The following IFFO2 variants were observed in gnomAD, a reference collection of about 807,000 sequenced individuals.
The protein encoded by IFFO2 is intermediate filament family orphan 2.
Under a neutral mutation model 53.5 loss-of-function variants are expected in IFFO2, and 19 were observed. The ratio of observed to expected loss-of-function variants is 0.36; its 90% confidence interval spans 0.25 to 0.52. IFFO2 has a LOEUF of 0.52. IFFO2 is among the 20% of genes least tolerant of loss of function. The pLI is 0.94. For synonymous variants in IFFO2, 303 were observed against 313.6 expected (o/e 0.97, Z 0.36); for missense variants, 570 against 727.4 (o/e 0.78, Z 2.49).
Position 18,955,802 on chromosome 1 carries a change from G to A in IFFO2, c.531C>T (p.Thr177=). 1 of 1,534,272 alleles carries A rather than the reference G, an allele frequency of 6.5e-7. No individual in the cohort carries two copies. The highest frequency in any genetic ancestry group is 2.0e-5 in the Admixed American group (1 of 50,782). Residue 177 remains threonine, a synonymous_variant, in exon 1 of 9, where the codon ACC becomes ACT. Coordinates refer to ENST00000455833, the MANE Select transcript of IFFO2 (RefSeq NM_001136265.2). ...CCCACGACACGCCGGGGCCCTGCAC[G>A]GTCTCCACGCCGCCGCCGCCCGTGC... ...VRRTGGGGVE[T]VQGPGVSWVH...
At chr1:18,952,980 C>A (rs1269473508) in intron 1 of IFFO2, among the ~76,000 whole-genome samples, 3 of 152,372 alleles carry the variant, frequency 2.0e-5, no homozygotes, top group Middle Eastern at 3.4e-3. Flanking sequence ...CTGAGCCTCG[C>A]AGCCTAAGTT....
At chr1:18,911,670 C>G (rs372649748) in intron 6 of IFFO2, among the ~76,000 whole-genome samples, 194 bp from the exon 7 acceptor site, 121 of 152,224 alleles carry the variant, frequency 7.9e-4, no homozygotes, top group African/African-American at 2.8e-3. Context: ...TCCCGAATAG[C>G]TGGGATTACA....
intron 1 of IFFO2, among the ~76,000 whole-genome samples, chr1:18,942,918 A>C (rs1394960519): frequency 6.7e-6 from 1 of 150,038 alleles, no homozygotes; most frequent in Non-Finnish European, 1.5e-5. Context: ...GGCTCACTGC[A>C]ACCTCCACCT....
rs1033414891 is a variant in IFFO2, at chr1:18,921,154, G to T, written c.666-33C>A. 11 of 1,544,678 alleles carry T rather than the reference G, an allele frequency of 7.1e-6. No homozygotes were observed. In the Admixed American group the frequency reaches 1.2e-4, roughly 17 times the overall value. On this transcript the variant is annotated intron_variant, in intron 1 of 8. Coordinates refer to ENST00000455833, the MANE Select transcript of IFFO2 (RefSeq NM_001136265.2). ...AGCCAAGAGGAACAGGTGGTCAGAA[G>T]GTGAGTTCCCTGTGCCAGTCCAGCC...
At chr1:18,941,029 G>A (rs1174808149) in intron 1 of IFFO2, among the ~76,000 whole-genome samples, 3 of 152,196 alleles carry the variant, frequency 2.0e-5, no homozygotes, top group South Asian at 4.1e-4. Context: ...AAAGAGACCT[G>A]AGGTCACATG....
chr1:18,923,899 C>T (rs984768376), intron 1 of IFFO2, among the ~76,000 whole-genome samples: 4 of 152,154 alleles, frequency 2.6e-5, no homozygotes, highest in African/African-American at 7.2e-5. Flanking sequence ...CTTCCTGCCC[C>T]GAGTTCTGCA....
chr1:18,925,995 GA>G (rs1936286005), intron 1 of IFFO2, among the ~76,000 whole-genome samples: 47 of 125,356 alleles, frequency 3.7e-4, no homozygotes, highest in East Asian at 1.8e-3. Context: ...TGGATGGATG[GA>G]TGGATTGGTT....
intron 1 of IFFO2, among the ~76,000 whole-genome samples, chr1:18,937,002 G>C (rs917256650): frequency 7.3e-5 from 11 of 151,656 alleles, no homozygotes; most frequent in South Asian, 4.2e-4. Flanking sequence ...GACATCAGAC[G>C]GGGAAGTCCA....
intron 1 of IFFO2, among the ~76,000 whole-genome samples, chr1:18,923,370 G>A (rs1442085464): frequency 1.3e-5 from 2 of 152,172 alleles, no homozygotes; most frequent in African/African-American, 2.4e-5. Context: ...TTGTACAGAC[G>A]GAGAAAACGA....
In IFFO2 at chr1:18,908,212, A is replaced by G; in HGVS notation, c.*349T>C. The G allele has an allele frequency of 3.5e-6, 1 of 282,610 alleles. No homozygotes were observed. The highest frequency in any genetic ancestry group is 8.1e-5 in the East Asian group (1 of 12,292). 17.5% of individuals were successfully genotyped at this position (282,610 alleles called of 1,614,324 possible). A position where few individuals can be genotyped will look rare whatever the true frequency, so the allele number is the denominator to read the frequency against. ...CGGCCCTCAGCTTAGAGTTCTGTAT[A>G]AAAACACCTGCTAGGAATAATTCTT... On this transcript the variant is annotated 3_prime_UTR_variant, in exon 9 of 9. Transcript: ENST00000455833.
At chr1:18,915,669 T>C (rs1477873622) in intron 5 of IFFO2, among the ~76,000 whole-genome samples, 1 of 151,850 alleles carries the variant, frequency 6.6e-6, no homozygotes, top group Non-Finnish European at 1.5e-5. Context: ...AAAAGGGGAG[T>C]GATACCCCAT....
chr1:18,910,306 G>A, intron 8 of IFFO2, 36 bp downstream of exon 8: 2 of 1,572,768 alleles, frequency 1.3e-6, no homozygotes, highest in African/African-American at 1.4e-5. Context: ...CTCCAAGGAT[G>A]CCATAGCTGA....
chr1:18,906,695 C>T lies in IFFO2; in HGVS notation c.*1866G>A, dbSNP rs1242193637. On this transcript the variant is annotated 3_prime_UTR_variant, in exon 9 of 9. Transcript: ENST00000455833. Reference sequence around the variant, plus strand: ...GAGTGAGGAGAGAGAAGGGCCGTCTCTCTTCCAAAACCATTGTCCCTCCAA... The same window carrying T: ...GAGTGAGGAGAGAGAAGGGCCGTCTTTCTTCCAAAACCATTGTCCCTCCAA... 1 of 152,224 alleles carries T rather than the reference C, an allele frequency of 6.6e-6. No individual in the cohort carries two copies. The highest frequency in any genetic ancestry group is 2.4e-5 in the African/African-American group (1 of 41,456). The allele number at this position is 152,224 out of a possible 1,614,324, so 9.4% of individuals were successfully genotyped here. A position where few individuals can be genotyped will look rare whatever the true frequency, so the allele number is the denominator to read the frequency against.
At chr1:18,946,703 TACCGCACCGGGCCTGGGCTTGCC>T (rs1936593209) in intron 1 of IFFO2, among the ~76,000 whole-genome samples, 1 of 151,456 alleles carries the variant, frequency 6.6e-6, no homozygotes, top group South Asian at 2.1e-4. Context: ...AGGCATGAGC[TACCGCACCGGGCCTGGGCTTGCC>T]ACTTTCAAGG....
Position 18,956,254 on chromosome 1 carries a change from C to T in IFFO2, c.79G>A (p.Gly27Ser). The T allele has an allele frequency of 2.9e-6, 3 of 1,031,320 alleles. No homozygotes were observed. Among genetic ancestry groups the T allele is most frequent in the Non-Finnish European group, 3.6e-6 (3 of 837,542 alleles). The allele number at this position is 1,031,320 out of a possible 1,614,324, so 63.9% of individuals were successfully genotyped here. A position where few individuals can be genotyped will look rare whatever the true frequency, so the allele number is the denominator to read the frequency against. ...GCCCCGCCGCCGCCGCCGCCCCCGC[C>T]AGGGCAGCCCCCGCCGCCGCCGCCC... ...PPGGGGGGCPGGGGGGGGAGP... is the reference protein window; with the variant it reads ...PPGGGGGGCPSGGGGGGGAGP... The change falls in exon 1 of 9, where the codon GGC becomes AGC. Residue 27 changes from glycine (G) to serine (S), a missense_variant. By Grantham distance (56) the Gly-to-Ser change is moderately conservative. Coordinates refer to ENST00000455833, the MANE Select transcript of IFFO2 (RefSeq NM_001136265.2). This position sits in a 1 kb window ranked among gnomAD's most constrained non-coding sequence, Gnocchi z 6.4.
At position 18,928,847 on chromosome 1, in the gene IFFO2, G is replaced by C. The variant is rs990150226; in HGVS notation, c.666-7726C>G. 4.6e-5 allele frequency among the ~76,000 whole-genome samples: 7 copies of C among 152,152 alleles called. No individual in the cohort carries two copies. Among genetic ancestry groups the C allele is most frequent in the Admixed American group, 2.0e-4 (3 of 15,274 alleles). On this transcript the variant is annotated intron_variant, in intron 1 of 8. Coordinates refer to ENST00000455833, the MANE Select transcript of IFFO2 (RefSeq NM_001136265.2). The surrounding 1 kb of genome is among the most constrained non-coding windows in gnomAD (Gnocchi z 4.9). ...TTTGCAGTGTTATTTGCACGCCCTG[G>C]ATAGGGCCCTTCCTTGGAGTCCAGA...
intron 1 of IFFO2, among the ~76,000 whole-genome samples, chr1:18,934,479 A>G (rs1385923979): frequency 6.6e-6 from 1 of 152,196 alleles, no homozygotes; most frequent in Non-Finnish European, 1.5e-5. Context: ...TGTCATGTAT[A>G]CCTGCTCAAA....
At chr1:18,944,476 G>A (rs1936561110) in intron 1 of IFFO2, among the ~76,000 whole-genome samples, 1 of 152,082 alleles carries the variant, frequency 6.6e-6, no homozygotes, top group African/African-American at 2.4e-5. Context: ...CCATAATGGG[G>A]GATGGGGAGG....
At chr1:18,924,657 G>A (rs530339214) in intron 1 of IFFO2, among the ~76,000 whole-genome samples, 67 of 152,310 alleles carry the variant, frequency 4.4e-4, no homozygotes, top group African/African-American at 1.6e-3. Context: ...AGAATCCTAC[G>A]CCCGGGCCCT....
Sources: allele counts gnomAD v4.1 joint callset (sites outside exome capture counted in the v4.1 genomes callset), GRCh38; gene constraint gnomAD v4.1.1; non-coding constraint Gnocchi (gnomAD v3.1); transcripts MANE v1.5; gene names NCBI Gene and HGNC (gene_info 2026-07-23, HGNC 2026-07-21).